The following SLC35F4 variants were observed in gnomAD, a reference collection of about 807,000 sequenced individuals.
The protein encoded by SLC35F4 is chromosome 14 open reading frame 36.
In SLC35F4, 24 loss-of-function variants were observed where a neutral mutation model predicts 44.2. That is an observed-to-expected ratio of 0.54 (90% CI 0.39 to 0.76). SLC35F4 has a LOEUF of 0.76. SLC35F4 is among the 30% of genes least tolerant of loss of function. The probability of loss-of-function intolerance (pLI) is 0.00; values close to 1 mark genes in which losing one functional copy is unlikely to be tolerated. For synonymous variants in SLC35F4, 238 were observed against 223.6 expected (o/e 1.06, Z -0.57); for missense variants, 562 against 586.1 (o/e 0.96, Z 0.42).
At chr14:57,776,691 T>TAAAAAAAAAAAAAAA (rs2077498893) in intron 1 of SLC35F4, among the ~76,000 whole-genome samples, 12 of 126,548 alleles carry the variant, frequency 9.5e-5, no homozygotes, top group African/African-American at 3.7e-4. Context: ...AAAAAAAAAT[T>TAAAAAAAAAAAAAAA]AAAGGCAGCT....
intron 1 of SLC35F4, among the ~76,000 whole-genome samples, chr14:57,710,607 T>C (rs889066111): frequency 6.6e-6 from 1 of 152,004 alleles, no homozygotes; most frequent in South Asian, 2.1e-4. Flanking sequence ...GGCTGTACCC[T>C]GCAAAGACAC....
chr14:57,591,385 A>G (rs1161102267), intron 2 of SLC35F4, among the ~76,000 whole-genome samples: 3 of 152,246 alleles, frequency 2.0e-5, no homozygotes, highest in Non-Finnish European at 2.9e-5. Context: ...TCAGCTGTTT[A>G]CAGACAACAC....
At chr14:57,731,988 T>C (rs1011603967) in intron 1 of SLC35F4, among the ~76,000 whole-genome samples, 1 of 152,154 alleles carries the variant, frequency 6.6e-6, no homozygotes, top group Non-Finnish European at 1.5e-5. Context: ...AATTCCAAGA[T>C]AAAATTTAAG....
At chr14:57,749,638 G>C (rs2076837004) in intron 1 of SLC35F4, among the ~76,000 whole-genome samples, 1 of 152,216 alleles carries the variant, frequency 6.6e-6, no homozygotes, top group African/African-American at 2.4e-5. Flanking sequence ...GTACAGGGCA[G>C]ATACAAGGTG....
At position 57,877,730 on chromosome 14, in the gene SLC35F4, G is replaced by A. The variant is rs534686923; in HGVS notation, n.282+104183C>T. Among the ~76,000 whole-genome samples the A allele has an allele frequency of 3.3e-5, 4 of 121,828 alleles. No homozygotes were observed. In the South Asian group the frequency reaches 1.1e-3, roughly 33 times the overall value. 79.9% of individuals were successfully genotyped at this position (121,828 alleles called of 152,430 possible). A position where few individuals can be genotyped will look rare whatever the true frequency, so the allele number is the denominator to read the frequency against. ...AGATGGAGTCTTGCTCTGTTACCCA[G>A]GCTGGAGTGCAGTGGCAGATCTCAG... On this transcript the variant is annotated intron_variant and non_coding_transcript_variant, in intron 1 of 1. Transcript: ENST00000556568.
At chr14:57,651,507 ACAGATAC>A (rs1284512953) in intron 1 of SLC35F4, among the ~76,000 whole-genome samples, 1 of 152,106 alleles carries the variant, frequency 6.6e-6, no homozygotes, top group Non-Finnish European at 1.5e-5. Context: ...AGCAGCCGTC[ACAGATAC>A]CGAGAGTCCT....
At chr14:57,972,029 G>T (rs1347483766), downstream of SLC35F4, among the ~76,000 whole-genome samples, 1 of 152,158 alleles carries the variant, frequency 6.6e-6, no homozygotes, top group East Asian at 1.9e-4. Flanking sequence ...AGGTTATGAA[G>T]GATCAGTTCT....
At chr14:57,647,049 GTCAATTTT>G (rs1365400443) in intron 1 of SLC35F4, among the ~76,000 whole-genome samples, 1 of 152,126 alleles carries the variant, frequency 6.6e-6, no homozygotes, top group Non-Finnish European at 1.5e-5. Context: ...CAACTATGTG[GTCAATTTT>G]GGAATAGGTG....
At chr14:57,837,394 T>A (rs1032203382) in intron 1 of SLC35F4, 2 of 152,202 alleles carry the variant, frequency 1.3e-5, no homozygotes, top group African/African-American at 4.8e-5. Context: ...CTGAGCCACT[T>A]TCAAATTTCT....
intron 1 of SLC35F4, among the ~76,000 whole-genome samples, chr14:57,882,434 A>C (rs1020804793): frequency 2.0e-5 from 3 of 152,160 alleles, no homozygotes; most frequent in African/African-American, 7.2e-5. Context: ...GTCTCATTTC[A>C]CTATGCCTTG....
intron 1 of SLC35F4, among the ~76,000 whole-genome samples, chr14:57,941,101 TATAATAATGCA>T (rs1330474546): frequency 6.0e-4 from 91 of 152,312 alleles, no homozygotes; most frequent in Non-Finnish European, 2.4e-4. Flanking sequence ...GGTGGGGATG[TATAATAATGCA>T]ATCTCTGTGG....
At chr14:57,948,436 A>G (rs1345201892) in intron 1 of SLC35F4, among the ~76,000 whole-genome samples, 2 of 152,112 alleles carry the variant, frequency 1.3e-5, no homozygotes, top group African/African-American at 4.8e-5. Flanking sequence ...TTCCTTGGTT[A>G]ATCTCACTAA....
intron 1 of SLC35F4, among the ~76,000 whole-genome samples, chr14:57,705,356 G>A (rs1357901644): frequency 1.3e-5 from 2 of 152,120 alleles, no homozygotes; most frequent in Admixed American, 6.5e-5. Flanking sequence ...TGCATACACA[G>A]TTATTATTAC....
intron 1 of SLC35F4, among the ~76,000 whole-genome samples, chr14:57,713,661 A>C (rs2075866452): frequency 6.6e-6 from 1 of 152,172 alleles, no homozygotes; most frequent in Non-Finnish European, 1.5e-5. Flanking sequence ...TGCAGAATAC[A>C]AGAAGGGTAA....
chr14:57,788,256 A>C (rs1363984386), intron 1 of SLC35F4, among the ~76,000 whole-genome samples: 2 of 152,304 alleles, frequency 1.3e-5, no homozygotes, highest in Non-Finnish European at 2.9e-5. Context: ...TGGAGCTCCC[A>C]AATTTATAAA....
At chr14:57,807,260 C>T (rs1390509775) in intron 1 of SLC35F4, among the ~76,000 whole-genome samples, 2 of 152,034 alleles carry the variant, frequency 1.3e-5, no homozygotes, top group Non-Finnish European at 2.9e-5. Context: ...TCTCTCTGCT[C>T]CTTCACATCC....
intron 1 of SLC35F4, among the ~76,000 whole-genome samples, chr14:57,634,507 G>T (rs1026037495): frequency 1.3e-5 from 2 of 152,084 alleles, no homozygotes; most frequent in Non-Finnish European, 2.9e-5. Context: ...GAGTGAAGTG[G>T]GTGGAGTATG....
At chr14:57,800,401 A>G (rs529067810) in intron 1 of SLC35F4, among the ~76,000 whole-genome samples, 1 of 152,326 alleles carries the variant, frequency 6.6e-6, no homozygotes, top group Non-Finnish European at 1.5e-5. Context: ...GCCCACAAAG[A>G]TGAGAAAGAA....
chr14:57,949,461 G>A (rs1483679129), intron 1 of SLC35F4, among the ~76,000 whole-genome samples: 6 of 152,120 alleles, frequency 3.9e-5, no homozygotes, highest in Non-Finnish European at 7.4e-5. Context: ...CAGATACTTG[G>A]TTGGTGAATT....
Sources: gnomAD v4.1 joint callset for allele counts (sites outside exome capture counted in the v4.1 genomes callset) on GRCh38, gnomAD v4.1.1 for gene constraint, MANE v1.5 for transcripts, NCBI Gene and HGNC (gene_info 2026-07-23, HGNC 2026-07-21) for gene names.